Variants in SPSB1 observed in about 807,000 individuals in gnomAD.
The protein encoded by SPSB1 is SPRY domain-containing SOCS box protein 1.
A neutral mutation model predicts 21.2 loss-of-function variants in SPSB1; 8 were observed. The observed-to-expected ratio is 0.38, with a 90% CI of 0.22 to 0.68. The LOEUF (loss-of-function observed/expected upper bound fraction) is 0.68. Ranked by LOEUF, SPSB1 falls within the 30% of genes least tolerant of loss-of-function variation. The pLI, the probability that SPSB1 is intolerant of heterozygous loss-of-function variation, is 0.53. For synonymous variants in SPSB1, 169 were observed against 161.7 expected (o/e 1.05, Z -0.34); for missense variants, 242 against 377.8 (o/e 0.64, Z 2.98).
At chr1:9,352,464 C>T (rs977696110) in intron 1 of SPSB1, among the ~76,000 whole-genome samples, 4 of 152,182 alleles carry the variant, frequency 2.6e-5, no homozygotes, top group African/African-American at 7.2e-5. Flanking sequence ...AACTCAGCCA[C>T]GCGCGTTTAT....
At chr1:9,297,619 G>A (rs1328951381) in intron 1 of SPSB1, among the ~76,000 whole-genome samples, 3 of 151,978 alleles carry the variant, frequency 2.0e-5, no homozygotes, top group African/African-American at 4.8e-5. Flanking sequence ...CCCACTAAGC[G>A]GAGATTCTGC....
Position 9,348,957 on chromosome 1 carries a change from GTGTGTGTA to G in SPSB1, c.-149-6784_-149-6777del, listed in dbSNP as rs1640207444. ...CAAGAATGTGTGTGTGTGTGTGTGT[GTGTGTGTA>G]TATGTGCGTGTGTGCACGTGCATGT... is the stretch of plus-strand genomic sequence containing the variant. On this transcript the variant is annotated intron_variant, in intron 1 of 2. Coordinates refer to ENST00000328089, the MANE Select transcript of SPSB1 (RefSeq NM_025106.4). The surrounding 1 kb of genome is among the most constrained non-coding windows in gnomAD (Gnocchi z 4.8). Among the ~76,000 whole-genome samples the G allele has an allele frequency of 2.1e-5, 2 of 97,400 alleles. No homozygotes were observed. Among genetic ancestry groups the G allele is most frequent in the African/African-American group, 9.3e-5 (2 of 21,606 alleles). The allele number at this position is 97,400 out of a possible 152,430, so 63.9% of individuals were successfully genotyped here.
In SPSB1 at chr1:9,331,321, GTTTTTTTTTTTTTTTT is replaced by G. The variant is rs34199175; in HGVS notation, c.-149-24411_-149-24396del. Among the ~76,000 whole-genome samples, 32 of 53,710 alleles carry G rather than the reference GTTTTTTTTTTTTTTTT, an allele frequency of 6.0e-4. 1 individual carries two copies. The highest frequency in any genetic ancestry group is 1.3e-4 in the Non-Finnish European group (4 of 30,718). The allele number at this position is 53,710 out of a possible 152,430, so 35.2% of individuals were successfully genotyped here. On this transcript the variant is annotated intron_variant, in intron 1 of 2. Transcript: ENST00000328089. The stretch of plus-strand genomic sequence containing the variant: ...ATCTCCTTCTGCTACTGGTGCTCTT[GTTTTTTTTTTTTTTTT>G]TTTTTTTTTTGAGGTGGAGTTTCAC...
intron 1 of SPSB1, among the ~76,000 whole-genome samples, chr1:9,337,620 G>A (rs922273582): frequency 2.6e-5 from 4 of 152,172 alleles, no homozygotes; most frequent in Admixed American, 6.5e-5. Flanking sequence ...TGCTGAGGTG[G>A]GGTCCCCAGT....
rs533562770 is a variant in SPSB1, at chr1:9,348,030, C to T, written c.-149-7713C>T. 2.3e-4 allele frequency among the ~76,000 whole-genome samples: 35 copies of T among 151,496 alleles called. No individual in the cohort carries two copies. The East Asian group carries it at 6.0e-3, about 26-fold the overall frequency. ...TGCGATCTCGGCTCACTGCAACCTC[C>T]GCCTCCTGGGTTCAAGTGATTCTCC... On this transcript the variant is annotated intron_variant, in intron 1 of 2. Transcript: ENST00000328089. The surrounding 1 kb of genome is among the most constrained non-coding windows in gnomAD (Gnocchi z 4.8).
chr1:9,330,772 T>G (rs1639904254), intron 1 of SPSB1, among the ~76,000 whole-genome samples: 1 of 152,058 alleles, frequency 6.6e-6, no homozygotes, highest in African/African-American at 2.4e-5. Flanking sequence ...ATTTAAGACG[T>G]GCAGTTCAGT....
chr1:9,297,328 A>G (rs1270658142), intron 1 of SPSB1, among the ~76,000 whole-genome samples: 1 of 152,176 alleles, frequency 6.6e-6, no homozygotes, highest in Non-Finnish European at 1.5e-5. Context: ...TTGAGAAATG[A>G]CTGCTGAGTA....
chr1:9,302,847 A>C (rs1639357597), intron 1 of SPSB1, among the ~76,000 whole-genome samples: 1 of 152,266 alleles, frequency 6.6e-6, no homozygotes, highest in East Asian at 1.9e-4. Context: ...CGGGTCCAGG[A>C]ATCAAGGGGA....
At position 9,361,156 on chromosome 1, in the gene SPSB1, C is replaced by CCTTTTTTTTTTTTTTTTTT. The variant is rs1553128958; in HGVS notation, c.694+4571_694+4572insCTTTTTTTTTTTTTTTTTT. ...CAGGCATGGCTGGATCTGTCATTTT[C>CCTTTTTTTTTTTTTTTTTT]TTTTTTTTTTTTTTTTTTTTTTTTT... On this transcript the variant is annotated intron_variant, in intron 2 of 2. Transcript: ENST00000328089. Among the ~76,000 whole-genome samples the CCTTTTTTTTTTTTTTTTTT allele has an allele frequency of 1.5e-3, 153 of 102,562 alleles. 32 individuals are homozygous for CCTTTTTTTTTTTTTTTTTT. Among genetic ancestry groups the CCTTTTTTTTTTTTTTTTTT allele is most frequent in the South Asian group, 2.3e-3 (7 of 2,980 alleles). 67.3% of individuals were successfully genotyped at this position (102,562 alleles called of 152,430 possible). A position where few individuals can be genotyped will look rare whatever the true frequency, so the allele number is the denominator to read the frequency against.
chr1:9,340,980 C>T (rs1248333266), intron 1 of SPSB1, among the ~76,000 whole-genome samples: 4 of 152,204 alleles, frequency 2.6e-5, no homozygotes, highest in Admixed American at 2.6e-4. Flanking sequence ...CAACACTGGG[C>T]TGACTCTGCT....
intron 1 of SPSB1, among the ~76,000 whole-genome samples, chr1:9,306,243 T>C (rs1639408560): frequency 6.6e-6 from 1 of 152,226 alleles, no homozygotes; most frequent in African/African-American, 2.4e-5. Flanking sequence ...ATGGCCGAGC[T>C]CTGGGCCTTC....
intron 1 of SPSB1, among the ~76,000 whole-genome samples, chr1:9,337,723 G>A (rs757992825): frequency 5.3e-4 from 81 of 152,186 alleles, no homozygotes; most frequent in Non-Finnish European, 7.6e-4. Flanking sequence ...GCCAATATCC[G>A]TGGAGGCTGC....
intron 1 of SPSB1, among the ~76,000 whole-genome samples, chr1:9,353,866 C>T (rs923181978): frequency 6.6e-6 from 1 of 150,624 alleles, no homozygotes; most frequent in East Asian, 2.0e-4. Flanking sequence ...TGCAGTGAGA[C>T]GAGATAGCGC....
intron 2 of SPSB1, among the ~76,000 whole-genome samples, chr1:9,361,665 GCC>G (rs1640480547): frequency 6.6e-6 from 1 of 152,228 alleles, no homozygotes; most frequent in Non-Finnish European, 1.5e-5. Context: ...GGGGCCACAG[GCC>G]CCGTGCTCTG....
At chr1:9,354,925 CAG>C (rs1640337899) in intron 1 of SPSB1, among the ~76,000 whole-genome samples, 1 of 152,254 alleles carries the variant, frequency 6.6e-6, no homozygotes, top group South Asian at 2.1e-4. Flanking sequence ...ATGGTGAGGC[CAG>C]AGAGGGAACG....
At chr1:9,337,185 G>A (rs1640017515) in intron 1 of SPSB1, among the ~76,000 whole-genome samples, 1 of 152,052 alleles carries the variant, frequency 6.6e-6, no homozygotes, top group African/African-American at 2.4e-5. Context: ...TCCTAGAAAC[G>A]GTCCATTTAT....
intron 1 of SPSB1, among the ~76,000 whole-genome samples, chr1:9,332,900 C>T (rs556945094): frequency 2.0e-5 from 3 of 152,296 alleles, no homozygotes; most frequent in East Asian, 3.9e-4. Flanking sequence ...TAGAGGGTGA[C>T]GGAGACCACA....
chr1:9,333,610 C>T (rs1194153221), intron 1 of SPSB1, among the ~76,000 whole-genome samples: 1 of 152,210 alleles, frequency 6.6e-6, no homozygotes, highest in Non-Finnish European at 1.5e-5. Context: ...GGATTACAAG[C>T]GTGAGCCACC....
chr1:9,323,162 G>C (rs1329821356), intron 1 of SPSB1, among the ~76,000 whole-genome samples: 1 of 152,244 alleles, frequency 6.6e-6, no homozygotes, highest in Admixed American at 6.5e-5. Context: ...ATGTTGGAGG[G>C]GGGTATCCAT....
Sources: allele counts gnomAD v4.1 joint callset (sites outside exome capture counted in the v4.1 genomes callset), GRCh38; gene constraint gnomAD v4.1.1; non-coding constraint Gnocchi (gnomAD v3.1); transcripts MANE v1.5; gene names NCBI Gene and HGNC (gene_info 2026-07-23, HGNC 2026-07-21).